Variants in GNA14 observed in about 807,000 individuals in gnomAD.
GNA14 encodes the protein guanine nucleotide-binding protein subunit alpha-14.
A neutral mutation model predicts 42.0 loss-of-function variants in GNA14; 50 were observed. The ratio of observed to expected loss-of-function variants is 1.19; its 90% CI spans 0.95 to 1.51. The LOEUF is 1.51. Ranked by LOEUF, GNA14 falls within the 40% of genes most tolerant of loss-of-function variation. GNA14 has a pLI of 0.00. For missense variants in GNA14, 473 were observed against 446.2 expected (o/e 1.06, Z -0.54); for synonymous variants, 173 against 163.1 (o/e 1.06, Z -0.46).
intron 2 of GNA14, among the ~76,000 whole-genome samples, chr9:77,467,147 CT>C (rs1488824743): frequency 6.6e-6 from 1 of 151,758 alleles, no homozygotes; most frequent in Non-Finnish European, 1.5e-5. Flanking sequence ...CTGGGCACTC[CT>C]GAGGGGGTGC....
intron 1 of GNA14, among the ~76,000 whole-genome samples, chr9:77,537,673 GTTATA>G (rs1837614205): frequency 2.0e-5 from 3 of 152,128 alleles, no homozygotes; most frequent in Admixed American, 2.0e-4. Flanking sequence ...TTCCATAGTG[GTTATA>G]TTAGTTTACA....
intron 2 of GNA14, among the ~76,000 whole-genome samples, chr9:77,520,468 G>A (rs910483978): frequency 3.3e-5 from 5 of 152,204 alleles, no homozygotes; most frequent in Non-Finnish European, 7.3e-5. Flanking sequence ...TAGCATCACT[G>A]ATAATGATTC....
At chr9:77,545,137 G>A (rs959809566) in intron 1 of GNA14, among the ~76,000 whole-genome samples, 1 of 152,212 alleles carries the variant, frequency 6.6e-6, no homozygotes, top group African/African-American at 2.4e-5. Flanking sequence ...GCACAAAGAT[G>A]AAGGAACCAT....
At chr9:77,586,061 C>A (rs796956124) in intron 1 of GNA14, among the ~76,000 whole-genome samples, 34 of 151,966 alleles carry the variant, frequency 2.2e-4, no homozygotes, top group African/African-American at 8.0e-4. Context: ...CCAAACACTC[C>A]CCAGGCTACA....
At chr9:77,576,503 A>G (rs1443868) in intron 1 of GNA14, among the ~76,000 whole-genome samples, 53,540 of 152,102 alleles carry the variant, frequency 0.35, 11,680 homozygotes, top group Admixed American at 0.49. Context: ...CTTATGCTAT[A>G]TAACAATACT....
rs141402060 is a variant in GNA14 at position 77,637,402 on chromosome 9, C to T, written c.124+10268G>A. Among the ~76,000 whole-genome samples, 6 of 152,226 alleles carry T rather than the reference C, an allele frequency of 3.9e-5. No homozygotes were observed. The East Asian group carries it at 7.7e-4, about 20-fold the overall frequency. ...GATCTGGCCCTAAAACCTGCAGTGGCCATTGAGAAGATGTTGACCTCATCT... is the reference window on the plus strand; with the variant it reads ...GATCTGGCCCTAAAACCTGCAGTGGTCATTGAGAAGATGTTGACCTCATCT... On this transcript the variant is annotated intron_variant, in intron 1 of 6. Transcript: ENST00000341700.
chr9:77,464,329 A>G (rs1042596880), intron 2 of GNA14, among the ~76,000 whole-genome samples: 3 of 143,900 alleles, frequency 2.1e-5, no homozygotes, highest in Non-Finnish European at 4.5e-5. Context: ...GTGTGTATAT[A>G]TATGTGTGTG....
chr9:77,524,581 G>A (rs903379621), intron 2 of GNA14, among the ~76,000 whole-genome samples: 4 of 152,114 alleles, frequency 2.6e-5, no homozygotes, highest in African/African-American at 9.7e-5. Context: ...CAAGTCATAC[G>A]ATACTTTGTA....
At chr9:77,625,644 A>T (rs866157218) in intron 1 of GNA14, among the ~76,000 whole-genome samples, 11 of 152,228 alleles carry the variant, frequency 7.2e-5, no homozygotes, top group Non-Finnish European at 1.5e-4. Flanking sequence ...TAAGCTTCAT[A>T]AGCAAAGGAG....
Position 77,429,051 on chromosome 9 carries a change from C to T in GNA14, c.594-15G>A. ...CATCCACCATCCTGTTGTGTAGAAA[C>T]ACAGATCCTTCAAAGGTTGGAATAC... On this transcript the variant is annotated splice_polypyrimidine_tract_variant and intron_variant, in intron 4 of 6. Coordinates refer to ENST00000341700, the MANE Select transcript of GNA14 (RefSeq NM_004297.4). 1 of 1,613,560 alleles carries T rather than the reference C, an allele frequency of 6.2e-7. No individual in the cohort carries two copies.
intron 2 of GNA14, among the ~76,000 whole-genome samples, chr9:77,471,853 G>A (rs1366201801): frequency 6.6e-6 from 1 of 152,116 alleles, no homozygotes; most frequent in Non-Finnish European, 1.5e-5. Flanking sequence ...AATATAAGGG[G>A]AGCAGAAGGT....
At chr9:77,578,056 A>T (rs1480466936) in intron 1 of GNA14, among the ~76,000 whole-genome samples, 2 of 151,358 alleles carry the variant, frequency 1.3e-5, no homozygotes, top group Admixed American at 6.6e-5. Flanking sequence ...TCACGAGGTC[A>T]AGAGATCGAG....
intron 1 of GNA14, among the ~76,000 whole-genome samples, chr9:77,599,640 G>A (rs564854083): frequency 6.6e-6 from 1 of 152,256 alleles, no homozygotes; most frequent in Non-Finnish European, 1.5e-5. Flanking sequence ...TGCCAGCCCC[G>A]GGGAGCCTGC....
chr9:77,480,725 G>T (rs1254839739), intron 2 of GNA14, among the ~76,000 whole-genome samples: 4 of 152,144 alleles, frequency 2.6e-5, no homozygotes, highest in Admixed American at 6.6e-5. Context: ...CAATTTCAGA[G>T]TCTGTTATTG....
chr9:77,577,451 C>T (rs1309909255), intron 1 of GNA14, among the ~76,000 whole-genome samples: 4 of 152,170 alleles, frequency 2.6e-5, no homozygotes, highest in Non-Finnish European at 5.9e-5. Context: ...AAGTGGGTCT[C>T]ATAAACTCAA....
At chr9:77,562,070 G>C (rs1822891640) in intron 1 of GNA14, among the ~76,000 whole-genome samples, 1 of 152,158 alleles carries the variant, frequency 6.6e-6, no homozygotes, top group Non-Finnish European at 1.5e-5. Flanking sequence ...AGAAAACTCA[G>C]GAATCACTTT....
intron 1 of GNA14, among the ~76,000 whole-genome samples, chr9:77,598,841 G>A (rs1468804987): frequency 3.3e-5 from 5 of 152,092 alleles, no homozygotes; most frequent in African/African-American, 1.2e-4. Flanking sequence ...CCCCAATTAA[G>A]GGAAAAACAC....
intron 2 of GNA14, among the ~76,000 whole-genome samples, chr9:77,459,934 G>C (rs1836075086): frequency 6.6e-6 from 1 of 152,142 alleles, no homozygotes; most frequent in Non-Finnish European, 1.5e-5. Context: ...ACTGGTTTGT[G>C]TCCTTGTGCG....
chr9:77,567,989 T>G (rs1391571950), intron 1 of GNA14, among the ~76,000 whole-genome samples: 1 of 152,210 alleles, frequency 6.6e-6, no homozygotes, highest in East Asian at 1.9e-4. Flanking sequence ...TCTAAATAAT[T>G]TGTTTTACAG....
Sources: allele counts gnomAD v4.1 joint callset (sites outside exome capture counted in the v4.1 genomes callset), GRCh38; gene constraint gnomAD v4.1.1; transcripts MANE v1.5; gene names NCBI Gene and HGNC (gene_info 2026-07-23, HGNC 2026-07-21).